BMP6: variants seen among roughly 807,000 people sequenced by gnomAD.
The protein encoded by BMP6 is bone morphogenetic protein 6.
Under a neutral mutation model 54.1 loss-of-function variants are expected in BMP6, and 17 were observed. That is an observed-to-expected ratio of 0.31 (90% CI 0.22 to 0.47). The LOEUF (loss-of-function observed/expected upper bound fraction) is 0.47. Among genes scored for constraint, BMP6 ranks in the 20% least tolerant of loss-of-function variants. BMP6 has a pLI of 1.00. For synonymous variants in BMP6, 328 were observed against 291.2 expected, an observed-to-expected ratio of 1.13 and a Z score of -1.28; for missense variants, 720 against 690.4, an observed-to-expected ratio of 1.04 and a Z score of -0.48.
At chr6:7,750,127 C>G (rs1193023453) in intron 1 of BMP6, among the ~76,000 whole-genome samples, 2 of 152,202 alleles carry the variant, frequency 1.3e-5, no homozygotes, top group Non-Finnish European at 2.9e-5. Flanking sequence ...ATTTGTAGAT[C>G]TACATCAACA....
At chr6:7,844,344 GTTT>G (rs34279744) in intron 1 of BMP6, among the ~76,000 whole-genome samples, 22 of 145,242 alleles carry the variant, frequency 1.5e-4, no homozygotes, top group Admixed American at 9.5e-4. Context: ...TTTCCCCCCA[GTTT>G]TTTTTTTTTT....
intron 1 of BMP6, among the ~76,000 whole-genome samples, chr6:7,822,898 TGTG>T (rs1345945658): frequency 5.3e-4 from 13 of 24,652 alleles, no homozygotes; most frequent in African/African-American, 4.6e-3. Context: ...TGGTGCTGGT[TGTG>T]TGTGTGTGTG....
intron 1 of BMP6, among the ~76,000 whole-genome samples, chr6:7,822,319 A>T (rs1758624048): frequency 6.6e-6 from 1 of 152,072 alleles, no homozygotes; most frequent in African/African-American, 2.4e-5. Flanking sequence ...CGCACCTGGG[A>T]AGGACTTTTA....
At chr6:7,764,106 G>A (rs565419093) in intron 1 of BMP6, among the ~76,000 whole-genome samples, 17 of 152,164 alleles carry the variant, frequency 1.1e-4, no homozygotes, top group South Asian at 1.0e-3. Flanking sequence ...CAGGCGAGGC[G>A]CAGCAGGGCC....
intron 1 of BMP6, among the ~76,000 whole-genome samples, chr6:7,821,034 G>T (rs1758604049): frequency 6.6e-6 from 1 of 152,232 alleles, no homozygotes; most frequent in Non-Finnish European, 1.5e-5. Context: ...TCCCTAACAG[G>T]GCACAGGCCA....
chr6:7,821,361 G>A (rs2113224010), intron 1 of BMP6, among the ~76,000 whole-genome samples: 1 of 152,196 alleles, frequency 6.6e-6, no homozygotes, highest in South Asian at 2.1e-4. Context: ...TGAGCCTTGG[G>A]CCAACTCTTT....
chr6:7,774,287 C>T (rs141353982), intron 1 of BMP6, among the ~76,000 whole-genome samples: 7 of 152,300 alleles, frequency 4.6e-5, no homozygotes, highest in East Asian at 3.9e-4. Flanking sequence ...TGGTGGCTCA[C>T]GCCGGTAATC....
At chr6:7,750,697 C>T (rs534421540) in intron 1 of BMP6, among the ~76,000 whole-genome samples, 1 of 151,968 alleles carries the variant, frequency 6.6e-6, no homozygotes, top group South Asian at 2.1e-4. Flanking sequence ...CTTTTTATTC[C>T]CTAGTCTTAA....
chr6:7,774,789 C>A (rs1204287829), intron 1 of BMP6, among the ~76,000 whole-genome samples: 2 of 152,176 alleles, frequency 1.3e-5, no homozygotes, highest in Non-Finnish European at 2.9e-5. Flanking sequence ...TGCCTTAGTT[C>A]TTTTTTGGTT....
chr6:7,776,094 A>T (rs144356049), intron 1 of BMP6, among the ~76,000 whole-genome samples: 1,567 of 152,326 alleles, frequency 0.01, 23 homozygotes, highest in African/African-American at 0.036. Context: ...TTTTATAAGC[A>T]AGAGAGAGAG....
At chr6:7,834,610 G>A (rs969534907) in intron 1 of BMP6, among the ~76,000 whole-genome samples, 2 of 151,930 alleles carry the variant, frequency 1.3e-5, no homozygotes, top group Non-Finnish European at 2.9e-5. Context: ...TTGGGAGGCT[G>A]AGGTAGGATC....
At chr6:7,816,532 C>T (rs1216889557) in intron 1 of BMP6, among the ~76,000 whole-genome samples, 1 of 152,182 alleles carries the variant, frequency 6.6e-6, no homozygotes, top group Admixed American at 6.5e-5. Context: ...TCAGCCATGG[C>T]ATCACCAGTA....
chr6:7,835,517 C>G (rs901356143), intron 1 of BMP6, among the ~76,000 whole-genome samples: 5 of 152,156 alleles, frequency 3.3e-5, no homozygotes, highest in African/African-American at 1.2e-4. Flanking sequence ...CTTTTGTTCT[C>G]TCTTTAAGCT....
chr6:7,813,134 T>C (rs867909546), intron 1 of BMP6, among the ~76,000 whole-genome samples: 1 of 85,464 alleles, frequency 1.2e-5, no homozygotes, highest in East Asian at 4.4e-4. Flanking sequence ...TATATATATA[T>C]ATATATATAT....
At chr6:7,870,021 T>C (rs981205230) in intron 4 of BMP6, among the ~76,000 whole-genome samples, 1 of 152,044 alleles carries the variant, frequency 6.6e-6, no homozygotes, top group African/African-American at 2.4e-5. Context: ...GAAAGCTCAG[T>C]TGTGTCTCAA....
At chr6:7,812,890 C>A (rs6937648) in intron 1 of BMP6, among the ~76,000 whole-genome samples, 54,529 of 149,004 alleles carry the variant, frequency 0.37, 10,814 homozygotes, top group South Asian at 0.47. Context: ...TCCCCCAGGT[C>A]TGGGCTTTTC....
chr6:7,744,430 C>T (rs1178105474), intron 1 of BMP6, among the ~76,000 whole-genome samples: 4 of 152,060 alleles, frequency 2.6e-5, no homozygotes, highest in Non-Finnish European at 4.4e-5. Context: ...GAGCTGAGAT[C>T]GCACCACTGC....
At chr6:7,766,983 A>T (rs538254928) in intron 1 of BMP6, among the ~76,000 whole-genome samples, 7 of 121,250 alleles carry the variant, frequency 5.8e-5, no homozygotes, top group Non-Finnish European at 6.7e-5. Flanking sequence ...TTTAAATGAT[A>T]GTTTGTTTGT....
At chr6:7,805,266 A>G (rs1041347710) in intron 1 of BMP6, among the ~76,000 whole-genome samples, 9 of 152,268 alleles carry the variant, frequency 5.9e-5, no homozygotes, top group African/African-American at 2.2e-4. Flanking sequence ...ATAATCGCTG[A>G]GCTCACTGTC....
Sources: gnomAD v4.1 joint callset for allele counts (sites outside exome capture counted in the v4.1 genomes callset) on GRCh38, gnomAD v4.1.1 for gene constraint, MANE v1.5 for transcripts, NCBI Gene and HGNC (gene_info 2026-07-23, HGNC 2026-07-21) for gene names.